PDZRN4: variants seen among roughly 807,000 people sequenced by gnomAD.
The protein encoded by PDZRN4 is PDZ domain containing ring finger 4, also known as PDZ domain-containing RING finger protein 4.
In PDZRN4, 70 loss-of-function variants were observed where a neutral mutation model predicts 99.0. The observed-to-expected ratio is 0.71, with a 90% confidence interval of 0.58 to 0.86. The LOEUF is 0.86. Ranked by LOEUF, PDZRN4 falls within the 40% of genes least tolerant of loss-of-function variation. The pLI, the probability that PDZRN4 is intolerant of heterozygous loss-of-function variation, is 0.00. For synonymous variants in PDZRN4, 551 were observed against 501.6 expected, an observed-to-expected ratio of 1.10 and a Z score of -1.32; for missense variants, 1,474 against 1,331.2, an observed-to-expected ratio of 1.11 and a Z score of -1.67.
intron 3 of PDZRN4, among the ~76,000 whole-genome samples, chr12:41,317,231 G>A (rs1490890909): frequency 1.9e-5 from 2 of 104,874 alleles, no homozygotes; most frequent in African/African-American, 2.7e-5. Flanking sequence ...TTAAGGAATG[G>A]ACTCACATGG....
At chr12:41,475,783 C>T (rs565291434) in intron 3 of PDZRN4, among the ~76,000 whole-genome samples, 1 of 152,242 alleles carries the variant, frequency 6.6e-6, no homozygotes, top group East Asian at 1.9e-4. Context: ...ATGTTCAATG[C>T]CTGGATGATA....
At chr12:41,436,914 C>T (rs1208236292) in intron 3 of PDZRN4, among the ~76,000 whole-genome samples, 2 of 152,068 alleles carry the variant, frequency 1.3e-5, no homozygotes, top group African/African-American at 2.4e-5. Context: ...TTATATATGA[C>T]TTTAATAAAA....
intron 1 of PDZRN4, 140 bp from the exon 2 acceptor site, chr12:41,191,318 G>T: frequency 1.7e-6 from 1 of 591,582 alleles, no homozygotes; most frequent in South Asian, 2.1e-5. Context: ...TCAACCTTCT[G>T]CCACATTCAA....
intron 3 of PDZRN4, among the ~76,000 whole-genome samples, chr12:41,227,628 G>T (rs1951002934): frequency 6.6e-6 from 1 of 151,988 alleles, no homozygotes. Flanking sequence ...TCATGCCTTT[G>T]CACTCCATCC....
At chr12:41,253,512 A>AG (rs1182517602) in intron 3 of PDZRN4, among the ~76,000 whole-genome samples, 1 of 152,216 alleles carries the variant, frequency 6.6e-6, no homozygotes, top group East Asian at 1.9e-4. Flanking sequence ...GAGGATGTGG[A>AG]GAAAGGGGAA....
At chr12:41,466,988 A>T (rs1057362040) in intron 3 of PDZRN4, among the ~76,000 whole-genome samples, 1 of 152,238 alleles carries the variant, frequency 6.6e-6, no homozygotes, top group African/African-American at 2.4e-5. Flanking sequence ...GCTGCTGCTG[A>T]CGCACCTCTG....
chr12:41,207,514 A>C (rs1950859565), intron 3 of PDZRN4, among the ~76,000 whole-genome samples: 1 of 151,852 alleles, frequency 6.6e-6, no homozygotes, highest in African/African-American at 2.4e-5. Flanking sequence ...ACTGCCAAAT[A>C]AATTGTCTTA....
chr12:41,339,080 T>A (rs1426572243), intron 3 of PDZRN4, among the ~76,000 whole-genome samples: 1 of 151,480 alleles, frequency 6.6e-6, no homozygotes, highest in African/African-American at 2.4e-5. Context: ...TTCCTAAAAT[T>A]TATATGGAAC....
intron 3 of PDZRN4, among the ~76,000 whole-genome samples, chr12:41,347,932 A>T (rs1329421971): frequency 6.6e-6 from 1 of 152,118 alleles, no homozygotes; most frequent in Non-Finnish European, 1.5e-5. Context: ...TTCCTAAAAC[A>T]TGATGCGAAA....
intron 9 of PDZRN4, among the ~76,000 whole-genome samples, chr12:41,571,366 TCTCTCTCTCTCACA>T (rs757787793): frequency 8.9e-4 from 95 of 106,428 alleles, no homozygotes; most frequent in African/African-American, 1.2e-3. Context: ...TCTCTCTCTC[TCTCTCTCTCTCACA>T]CACACACACA....
At chr12:41,276,371 A>G (rs1227430050) in intron 3 of PDZRN4, among the ~76,000 whole-genome samples, 1 of 152,148 alleles carries the variant, frequency 6.6e-6, no homozygotes, top group East Asian at 1.9e-4. Flanking sequence ...TTTTTAGTAT[A>G]TTATAGTTAT....
intron 3 of PDZRN4, among the ~76,000 whole-genome samples, chr12:41,312,301 T>C (rs1461547092): frequency 1.3e-5 from 2 of 152,034 alleles, no homozygotes. Context: ...TTTGAGTTTC[T>C]CTATAGCAAA....
intron 3 of PDZRN4, among the ~76,000 whole-genome samples, chr12:41,448,183 G>T (rs551365696): frequency 2.3e-4 from 35 of 152,230 alleles, no homozygotes; most frequent in Non-Finnish European, 2.9e-4. Context: ...GCCATGAAAG[G>T]TTCCTCGCAA....
At chr12:41,527,532 G>A (rs1156878935) in intron 5 of PDZRN4, among the ~76,000 whole-genome samples, 7 of 152,126 alleles carry the variant, frequency 4.6e-5, no homozygotes, top group African/African-American at 1.2e-4. Context: ...TAACTAGAAC[G>A]TTGAGAATAG....
intron 5 of PDZRN4, among the ~76,000 whole-genome samples, chr12:41,515,433 C>T (rs1334119556): frequency 2.6e-5 from 4 of 151,712 alleles, no homozygotes; most frequent in African/African-American, 7.3e-5. Flanking sequence ...TAAAATAATC[C>T]ATTAAAAAAA....
At chr12:41,424,403 G>A (rs1189233846) in intron 3 of PDZRN4, among the ~76,000 whole-genome samples, 2 of 152,102 alleles carry the variant, frequency 1.3e-5, no homozygotes, top group Non-Finnish European at 2.9e-5. Context: ...ATGATCTGAT[G>A]AAAATTTGGA....
intron 3 of PDZRN4, among the ~76,000 whole-genome samples, chr12:41,495,381 G>T (rs1048730564): frequency 6.6e-6 from 1 of 151,964 alleles, no homozygotes; most frequent in African/African-American, 2.4e-5. Flanking sequence ...ATTTCTGCAC[G>T]GTGTGGATTA....
At chr12:41,532,709 T>G (rs1346856687) in intron 5 of PDZRN4, among the ~76,000 whole-genome samples, 1 of 152,186 alleles carries the variant, frequency 6.6e-6, no homozygotes, top group Non-Finnish European at 1.5e-5. Flanking sequence ...TTGGATTGTA[T>G]GACCTTGGAA....
At chr12:41,460,305 A>T (rs148132830) in intron 3 of PDZRN4, among the ~76,000 whole-genome samples, 1 of 152,310 alleles carries the variant, frequency 6.6e-6, no homozygotes, top group Non-Finnish European at 1.5e-5. Context: ...CTAATTTTTC[A>T]GTGAATGAAA....
Sources: allele counts gnomAD v4.1 joint callset (sites outside exome capture counted in the v4.1 genomes callset), GRCh38; gene constraint gnomAD v4.1.1; transcripts MANE v1.5; gene names NCBI Gene and HGNC (gene_info 2026-07-23, HGNC 2026-07-21).